The following BTRC variants were observed in gnomAD, a reference collection of about 807,000 sequenced individuals.
The protein encoded by BTRC is F-box/WD repeat-containing protein 1A.
A neutral mutation model predicts 85.5 loss-of-function variants in BTRC; 42 were observed. The ratio of observed to expected loss-of-function variants is 0.49; its 90% CI spans 0.38 to 0.64. The LOEUF is 0.64. Ranked by LOEUF, BTRC falls within the 30% of genes least tolerant of loss-of-function variation. The probability of loss-of-function intolerance (pLI) is 0.00; values close to 1 mark genes in which losing one functional copy is unlikely to be tolerated. For missense variants in BTRC, 594 were observed against 743.5 expected (o/e 0.80, Z 2.34); for synonymous variants, 255 against 263.3 (o/e 0.97, Z 0.30).
chr10:101,525,416 C>G (rs561807205), intron 5 of BTRC, among the ~76,000 whole-genome samples: 1 of 152,278 alleles, frequency 6.6e-6, no homozygotes, highest in South Asian at 2.1e-4. Context: ...TAAACCCATT[C>G]TTGAACTTAA....
At chr10:101,391,256 A>G (rs1943229828) in intron 1 of BTRC, among the ~76,000 whole-genome samples, 1 of 152,196 alleles carries the variant, frequency 6.6e-6, no homozygotes, top group Non-Finnish European at 1.5e-5. Context: ...TTGAATTAGA[A>G]AAGGAATTCT....
intron 3 of BTRC, among the ~76,000 whole-genome samples, chr10:101,463,726 C>T (rs1215255374): frequency 1.3e-5 from 2 of 152,010 alleles, no homozygotes; most frequent in African/African-American, 4.8e-5. Flanking sequence ...GATGACTTGT[C>T]TAGCTAATTA....
chr10:101,410,701 C>CTT (rs71016319), intron 1 of BTRC, among the ~76,000 whole-genome samples: 2 of 151,728 alleles, frequency 1.3e-5, no homozygotes, highest in Non-Finnish European at 2.9e-5. Context: ...ATTGAGTTGT[C>CTT]TTTTTTTATT....
In BTRC at chr10:101,500,726, A is replaced by G. The variant is rs547062848; in HGVS notation, c.325-20913A>G. ...AAGCTTTTAAGATTTTAAATTATTA[A>G]TTTTAAAGTCAGCATGTAGAAAAGT... On this transcript the variant is annotated intron_variant, in intron 4 of 14. Coordinates refer to ENST00000370187, the MANE Select transcript of BTRC (RefSeq NM_033637.4). Among the ~76,000 whole-genome samples, 78 of 152,316 alleles carry G rather than the reference A, an allele frequency of 5.1e-4. 1 individual carries two copies. The highest frequency in any genetic ancestry group is 5.7e-4 in the Non-Finnish European group (39 of 68,028).
intron 4 of BTRC, among the ~76,000 whole-genome samples, chr10:101,499,050 C>G (rs930614845): frequency 2.6e-5 from 4 of 151,870 alleles, no homozygotes; most frequent in Non-Finnish European, 4.4e-5. Context: ...CATGTACATG[C>G]TAGATCCTGT....
chr10:101,509,553 CTT>C (rs747841828), intron 4 of BTRC, among the ~76,000 whole-genome samples: 16 of 129,300 alleles, frequency 1.2e-4, no homozygotes, highest in Admixed American at 3.1e-4. Flanking sequence ...CGCGCCCAGC[CTT>C]TTTTTTTTTT....
intron 13 of BTRC, among the ~76,000 whole-genome samples, chr10:101,549,979 C>T (rs2062624588): frequency 6.6e-6 from 1 of 152,014 alleles, no homozygotes; most frequent in African/African-American, 2.4e-5. Flanking sequence ...TGGAAATCTA[C>T]CGATGGTTTT....
rs2062425678 is a variant in BTRC at position 101,538,837 on chromosome 10, CAGG to C, written c.1656+469_1656+471del. Among the ~76,000 whole-genome samples, 3 of 152,170 alleles carry C rather than the reference CAGG, an allele frequency of 2.0e-5. No homozygotes were observed. In the East Asian group the frequency reaches 5.8e-4, roughly 30 times the overall value. ...TCAAGGCAGATGGATCACCTGAGATCAGGAGTTCAAGACCAGCTTGACCAACAC... is the reference window on the plus strand; with the variant it reads ...TCAAGGCAGATGGATCACCTGAGATCAGTTCAAGACCAGCTTGACCAACAC... On this transcript the variant is annotated intron_variant, in intron 13 of 14. Coordinates refer to ENST00000370187, the MANE Select transcript of BTRC (RefSeq NM_033637.4).
At chr10:101,436,625 AATAGATAGATAG>A (rs113369211) in intron 2 of BTRC, among the ~76,000 whole-genome samples, 460 of 147,080 alleles carry the variant, frequency 3.1e-3, no homozygotes, top group East Asian at 0.021. Flanking sequence ...AATTAAAAAA[AATAGATAGATAG>A]ATAGATAGAT....
chr10:101,437,068 C>T (rs1312868046), intron 2 of BTRC, among the ~76,000 whole-genome samples: 4 of 151,928 alleles, frequency 2.6e-5, no homozygotes, highest in African/African-American at 7.3e-5. Context: ...TAGCTGATAC[C>T]CTCTCTATTG....
chr10:101,527,267 A>C (rs1441601413), intron 6 of BTRC, among the ~76,000 whole-genome samples: 8 of 152,236 alleles, frequency 5.3e-5, no homozygotes, highest in Non-Finnish European at 1.2e-4. Context: ...TTTTCATGAA[A>C]AAGTAGTTGG....
At chr10:101,532,784 G>GTA (rs33977050) in intron 8 of BTRC, among the ~76,000 whole-genome samples, 168 bp from the exon 9 acceptor site, 44,596 of 145,680 alleles carry the variant, frequency 0.31, 7,691 homozygotes, top group South Asian at 0.45. Context: ...GTGTGTGTGT[G>GTA]TGTGTGCGCG....
chr10:101,368,966 C>G (rs928197255), intron 1 of BTRC, among the ~76,000 whole-genome samples: 3 of 152,116 alleles, frequency 2.0e-5, no homozygotes, highest in African/African-American at 7.2e-5. Flanking sequence ...TTGCAGTGAG[C>G]TGAGATGGTA....
chr10:101,458,040 C>T (rs918526743), intron 2 of BTRC, among the ~76,000 whole-genome samples: 1 of 151,994 alleles, frequency 6.6e-6, no homozygotes, highest in Non-Finnish European at 1.5e-5. Context: ...TGTTCCATCC[C>T]CCCTAAATGT....
chr10:101,550,970 C>T (rs2062640653), intron 14 of BTRC, 79 bp downstream of exon 14: 1 of 1,336,510 alleles, frequency 7.5e-7, no homozygotes, highest in Admixed American at 2.3e-5. Context: ...GTTCATGGAA[C>T]TTTCTCCTGC....
At chr10:101,460,144 T>G (rs908709240) in intron 2 of BTRC, among the ~76,000 whole-genome samples, 2 of 152,194 alleles carry the variant, frequency 1.3e-5, no homozygotes, top group African/African-American at 2.4e-5. Flanking sequence ...ACTTGCAAAT[T>G]CTAAGTTTAT....
intron 1 of BTRC, among the ~76,000 whole-genome samples, chr10:101,411,082 G>A (rs555416598): frequency 1.0e-4 from 15 of 146,330 alleles, no homozygotes; most frequent in African/African-American, 3.3e-4. Flanking sequence ...TGCAACCTCT[G>A]CCTCCTGGGT....
intron 4 of BTRC, among the ~76,000 whole-genome samples, chr10:101,499,229 C>G (rs1435856705): frequency 1.3e-5 from 2 of 152,010 alleles, no homozygotes; most frequent in African/African-American, 4.8e-5. Context: ...CTGGGCTTGT[C>G]TGACACTATG....
chr10:101,402,930 A>G (rs1042198277), intron 1 of BTRC, among the ~76,000 whole-genome samples: 36 of 152,208 alleles, frequency 2.4e-4, no homozygotes, highest in African/African-American at 8.2e-4. Flanking sequence ...AATATTTTAC[A>G]TTTGAATCTC....
Sources: allele counts gnomAD v4.1 joint callset (sites outside exome capture counted in the v4.1 genomes callset), GRCh38; gene constraint gnomAD v4.1.1; transcripts MANE v1.5; gene names NCBI Gene and HGNC (gene_info 2026-07-23, HGNC 2026-07-21).